Variants in DGKB observed in about 807,000 individuals in gnomAD.
DGKB encodes the protein diacylglycerol kinase beta.
Under a neutral mutation model 114.3 loss-of-function variants are expected in DGKB, and 67 were observed. That is an observed-to-expected ratio of 0.59 (90% CI 0.48 to 0.72). The LOEUF (loss-of-function observed/expected upper bound fraction) is 0.72. DGKB is among the 30% of genes least tolerant of loss of function. The probability of loss-of-function intolerance (pLI) is 0.00; values close to 1 mark genes in which losing one functional copy is unlikely to be tolerated. For synonymous variants in DGKB, 398 were observed against 323.1 expected (o/e 1.23, Z -2.49); for missense variants, 907 against 975.2 (o/e 0.93, Z 0.93).
intron 2 of DGKB, among the ~76,000 whole-genome samples, chr7:14,763,826 T>G (rs1305121631): frequency 6.6e-6 from 1 of 152,010 alleles, no homozygotes; most frequent in Non-Finnish European, 1.5e-5. Flanking sequence ...AAATAATGTG[T>G]TTTTAGTGGA....
intron 20 of DGKB, among the ~76,000 whole-genome samples, chr7:14,515,986 A>G (rs1177591121): frequency 6.6e-6 from 1 of 152,036 alleles, no homozygotes; most frequent in Non-Finnish European, 1.5e-5. Flanking sequence ...CTGGAACTAC[A>G]GGTATGTACC....
chr7:14,418,192 A>G (rs140715371), intron 21 of DGKB, among the ~76,000 whole-genome samples: 4,033 of 137,766 alleles, frequency 0.029, 210 homozygotes, highest in African/African-American at 0.099. Context: ...TAAATATAAA[A>G]AATTTTATAT....
At chr7:14,849,622 G>T (rs1363701628) in intron 1 of DGKB, among the ~76,000 whole-genome samples, 1 of 152,062 alleles carries the variant, frequency 6.6e-6, no homozygotes, top group Admixed American at 6.6e-5. Context: ...GCACAAAACG[G>T]ACTGAGACAG....
chr7:14,468,129 T>C (rs900618621), intron 21 of DGKB, among the ~76,000 whole-genome samples: 1 of 152,212 alleles, frequency 6.6e-6, no homozygotes, highest in Non-Finnish European at 1.5e-5. Context: ...AACTAAATTA[T>C]ATGGCACGGA....
chr7:14,963,631 C>T (rs1482476409), intron 1 of DGKB, among the ~76,000 whole-genome samples: 2 of 152,158 alleles, frequency 1.3e-5, no homozygotes, highest in Non-Finnish European at 2.9e-5. Flanking sequence ...AATTCACTTA[C>T]TAAAATTCAG....
At chr7:14,286,219 C>T (rs1049863425) in intron 23 of DGKB, among the ~76,000 whole-genome samples, 3 of 152,156 alleles carry the variant, frequency 2.0e-5, no homozygotes, top group Non-Finnish European at 4.4e-5. Context: ...ACCTGTGAGT[C>T]AGCCTTGCCC....
At chr7:14,535,178 T>C (rs1353530723) in intron 20 of DGKB, among the ~76,000 whole-genome samples, 1 of 152,002 alleles carries the variant, frequency 6.6e-6, no homozygotes. Flanking sequence ...AGATTAGCCT[T>C]GTCAACACAG....
At chr7:14,228,393 T>C (rs1361622548) in intron 23 of DGKB, among the ~76,000 whole-genome samples, 2 of 152,026 alleles carry the variant, frequency 1.3e-5, no homozygotes, top group Admixed American at 1.3e-4. Flanking sequence ...TTGCTGTAAC[T>C]TTCTGAAGTG....
chr7:14,259,835 G>C (rs1183024786), intron 23 of DGKB, among the ~76,000 whole-genome samples: 1 of 152,150 alleles, frequency 6.6e-6, no homozygotes, highest in Non-Finnish European at 1.5e-5. Flanking sequence ...GTTCGTAATA[G>C]GAATGTCTGA....
intron 5 of DGKB, among the ~76,000 whole-genome samples, chr7:14,725,715 T>G (rs2128371286): frequency 6.6e-6 from 1 of 152,058 alleles, no homozygotes; most frequent in South Asian, 2.1e-4. Flanking sequence ...TCCAGCTAAT[T>G]TTTGTATTTT....
chr7:14,613,576 C>CGTGT (rs879910253), intron 15 of DGKB, among the ~76,000 whole-genome samples, 163 bp from the exon 16 acceptor site: 3 of 82,554 alleles, frequency 3.6e-5, no homozygotes, highest in East Asian at 1.8e-3. Context: ...CGTGTGTGTG[C>CGTGT]GTGTGTATGT....
chr7:14,917,885 G>A (rs73287038), intron 1 of DGKB, among the ~76,000 whole-genome samples: 84 of 152,028 alleles, frequency 5.5e-4, no homozygotes, highest in African/African-American at 1.8e-3. Flanking sequence ...ATCCAACAAC[G>A]TATAGAAAGA....
intron 13 of DGKB, among the ~76,000 whole-genome samples, chr7:14,659,698 T>C (rs1816627156): frequency 6.8e-6 from 1 of 148,046 alleles, no homozygotes; most frequent in African/African-American, 2.5e-5. Context: ...TTTGACTTCC[T>C]CTTTTCCTAA....
At chr7:14,765,913 A>G (rs986974982) in intron 2 of DGKB, among the ~76,000 whole-genome samples, 1 of 151,916 alleles carries the variant, frequency 6.6e-6, no homozygotes, top group African/African-American at 2.4e-5. Flanking sequence ...GTGTTTGCCA[A>G]TTGCTGTCTT....
intron 20 of DGKB, among the ~76,000 whole-genome samples, chr7:14,489,189 C>T (rs1444538482): frequency 6.6e-6 from 1 of 152,072 alleles, no homozygotes; most frequent in Admixed American, 6.6e-5. Flanking sequence ...TAATAGAATC[C>T]TTATTTCATA....
intron 22 of DGKB, among the ~76,000 whole-genome samples, chr7:14,339,741 T>A (rs1386669733): frequency 2.1e-4 from 32 of 152,132 alleles, no homozygotes. Flanking sequence ...TAAGTGAATA[T>A]GAAAAGAGAT....
intron 23 of DGKB, among the ~76,000 whole-genome samples, chr7:14,186,963 CT>C (rs1449820929): frequency 2.6e-5 from 4 of 151,940 alleles, no homozygotes; most frequent in African/African-American, 9.7e-5. Flanking sequence ...CAAATAACCA[CT>C]AAAAAACTTA....
chr7:14,279,073 C>T (rs534266761), intron 23 of DGKB, among the ~76,000 whole-genome samples: 416 of 152,304 alleles, frequency 2.7e-3, no homozygotes, highest in Non-Finnish European at 4.9e-3. Context: ...ACTCAGGAAG[C>T]GCAAGGGGTC....
intron 2 of DGKB, among the ~76,000 whole-genome samples, chr7:14,794,609 G>C (rs774743598): frequency 1.1e-4 from 17 of 152,122 alleles, no homozygotes; most frequent in Non-Finnish European, 2.4e-4. Context: ...TTATCTCCTA[G>C]AGCTGCAGGA....
Sources: gnomAD v4.1 joint callset for allele counts (sites outside exome capture counted in the v4.1 genomes callset) on GRCh38, gnomAD v4.1.1 for gene constraint, MANE v1.5 for transcripts, NCBI Gene and HGNC (gene_info 2026-07-23, HGNC 2026-07-21) for gene names.